MTMR3: variants seen among roughly 807,000 people sequenced by gnomAD.
MTMR3 encodes the protein phosphatidylinositol-3,5-bisphosphate 3-phosphatase MTMR3.
Under a neutral mutation model 132.4 loss-of-function variants are expected in MTMR3, and 32 were observed. That is an observed-to-expected ratio of 0.24 (90% CI 0.18 to 0.32). The LOEUF (loss-of-function observed/expected upper bound fraction) is 0.32, where lower values mean the gene tolerates loss of function less well. Among genes scored for constraint, MTMR3 ranks in the 10% least tolerant of loss-of-function variants. MTMR3 has a pLI of 1.00. For synonymous variants in MTMR3, 556 were observed against 550.3 expected, an observed-to-expected ratio of 1.01 and a Z score of -0.14; for missense variants, 1,216 against 1,489.6, an observed-to-expected ratio of 0.82 and a Z score of 3.02.
At chr22:29,946,209 C>T (rs886966845) in intron 1 of MTMR3, among the ~76,000 whole-genome samples, 15 of 152,108 alleles carry the variant, frequency 9.9e-5, no homozygotes, top group African/African-American at 3.6e-4. Flanking sequence ...CAAATGGTTT[C>T]TAGACTGGAA....
intron 1 of MTMR3, among the ~76,000 whole-genome samples, chr22:29,911,199 GT>G (rs1232812294): frequency 6.6e-6 from 1 of 152,098 alleles, no homozygotes; most frequent in Admixed American, 6.6e-5. Context: ...TGGTCCTGAA[GT>G]TTTTTTCCTT....
At chr22:30,022,500 A>G (rs2067789237) in intron 18 of MTMR3, 109 bp from the exon 19 acceptor site, 2 of 908,470 alleles carry the variant, frequency 2.2e-6, no homozygotes, top group Non-Finnish European at 3.5e-6. Flanking sequence ...GGCTGGTGCC[A>G]CTGGAGCTGA....
At chr22:29,958,208 C>T (rs2066239424) in intron 2 of MTMR3, among the ~76,000 whole-genome samples, 1 of 152,106 alleles carries the variant, frequency 6.6e-6, no homozygotes, top group Non-Finnish European at 1.5e-5. Flanking sequence ...TTTCATAGAC[C>T]TTTGTGTGTC....
At chr22:29,922,759 C>T (rs2065441402) in intron 1 of MTMR3, among the ~76,000 whole-genome samples, 2 of 151,980 alleles carry the variant, frequency 1.3e-5, no homozygotes, top group South Asian at 4.1e-4. Context: ...TACCATTTTA[C>T]ATTCCTACCA....
intron 6 of MTMR3, chr22:29,989,929 G>A (rs986671132): frequency 2.6e-5 from 4 of 152,106 alleles, no homozygotes; most frequent in African/African-American, 7.2e-5. Flanking sequence ...TTGTATCTGC[G>A]CTTAACTATA....
intron 2 of MTMR3, among the ~76,000 whole-genome samples, chr22:29,970,105 G>T (rs987271795): frequency 6.6e-6 from 1 of 152,134 alleles, no homozygotes; most frequent in Non-Finnish European, 1.5e-5. Flanking sequence ...TTTCTAGTTG[G>T]ATATTCTTTC....
intron 1 of MTMR3, among the ~76,000 whole-genome samples, chr22:29,924,453 T>A (rs2065477526): frequency 6.9e-6 from 1 of 144,696 alleles, no homozygotes; most frequent in African/African-American, 2.4e-5. Flanking sequence ...CCTCACTGTT[T>A]TGTTTACTGC....
At chr22:30,014,839 C>T (rs1329553622) in intron 14 of MTMR3, 1 of 152,186 alleles carries the variant, frequency 6.6e-6, no homozygotes, top group African/African-American at 2.4e-5. Flanking sequence ...TGGAATGCCC[C>T]CTTGCTCAGC....
chr22:29,956,811 T>G (rs1183874621), intron 1 of MTMR3, among the ~76,000 whole-genome samples: 1 of 152,184 alleles, frequency 6.6e-6, no homozygotes, highest in African/African-American at 2.4e-5. Flanking sequence ...TCTCTACAGT[T>G]CTGCAATTTC....
At chr22:29,991,874 T>G (rs921243172) in intron 7 of MTMR3, 2 of 460,000 alleles carry the variant, frequency 4.3e-6, no homozygotes, top group African/African-American at 4.0e-5. Flanking sequence ...CTAGAAGGCA[T>G]CACAATCTAT....
chr22:29,992,122 C>T (rs1404233034), intron 7 of MTMR3: 1 of 153,768 alleles, frequency 6.5e-6, no homozygotes, highest in African/African-American at 2.4e-5. Flanking sequence ...CTCTTGTTGC[C>T]CAGGCTGGAG....
intron 16 of MTMR3, 125 bp from the exon 17 acceptor site, chr22:30,019,355 C>T: frequency 1.1e-6 from 1 of 880,912 alleles, no homozygotes; most frequent in Non-Finnish European, 1.7e-6. Flanking sequence ...TCCAGAGATG[C>T]TACAGCTCCA....
chr22:29,942,194 G>C (rs766038894), intron 1 of MTMR3, among the ~76,000 whole-genome samples: 1 of 152,094 alleles, frequency 6.6e-6, no homozygotes, highest in East Asian at 1.9e-4. Flanking sequence ...AAATTTTAAA[G>C]CTGAATGTCT....
chr22:29,936,859 A>G (rs757856296), intron 1 of MTMR3, among the ~76,000 whole-genome samples: 5 of 152,182 alleles, frequency 3.3e-5, no homozygotes, highest in Admixed American at 6.5e-5. Flanking sequence ...TAGAATATAA[A>G]ATAGTAATAT....
rs2066961148 is a variant in MTMR3 at position 29,991,550 on chromosome 22, C to A, written c.340C>A (p.Leu114Met). ...GCAGTGTCAAGAGTGGCTGAAGAGA[C>A]TGAACAACGCAATCCGACCACCTGC... The part of the protein sequence containing the change: ...FEQCQEWLKR[L>M]NNAIRPPAKI... The change falls in exon 7 of 20, where the codon CTG becomes ATG. Residue 114 changes from leucine (L) to methionine (M), a missense_variant. Physicochemically the swap from Leu to Met is conservative, Grantham distance 15 (BLOSUM62 2). Transcript: ENST00000401950. The A allele has an allele frequency of 6.2e-7, 1 of 1,613,962 alleles. No homozygotes were observed. The highest frequency in any genetic ancestry group is 2.2e-5 in the East Asian group (1 of 44,880).
chr22:29,888,368 T>C (rs1490041996), intron 1 of MTMR3, among the ~76,000 whole-genome samples: 1 of 152,136 alleles, frequency 6.6e-6, no homozygotes, highest in East Asian at 1.9e-4. Flanking sequence ...TTTTTTCTTT[T>C]GGGTTGTGAT....
chr22:29,889,247 C>T (rs1405036220), intron 1 of MTMR3, among the ~76,000 whole-genome samples: 2 of 143,772 alleles, frequency 1.4e-5, no homozygotes, highest in Admixed American at 1.4e-4. Context: ...TTTTAAATTT[C>T]AAAATGAAAT....
chr22:29,967,193 TTGTGTGTGTGTGTGTGTGTGTGTG>T (rs10680622), intron 2 of MTMR3, among the ~76,000 whole-genome samples: 1 of 141,958 alleles, frequency 7.0e-6, no homozygotes, highest in African/African-American at 2.7e-5. Context: ...TTCACCTCTG[TTGTGTGTGTGTGTGTGTGTGTGTG>T]TGTGTGTGTG....
At chr22:29,894,503 C>CGTGTGTGTGTGTGT (rs144670905) in intron 1 of MTMR3, among the ~76,000 whole-genome samples, 18 of 147,286 alleles carry the variant, frequency 1.2e-4, no homozygotes, top group South Asian at 8.8e-4. Context: ...GTTCTGTATC[C>CGTGTGTGTGTGTGT]GTGTGTGTGT....
Sources: gnomAD v4.1 joint callset for allele counts (sites outside exome capture counted in the v4.1 genomes callset) on GRCh38, gnomAD v4.1.1 for gene constraint, MANE v1.5 for transcripts, NCBI Gene and HGNC (gene_info 2026-07-23, HGNC 2026-07-21) for gene names.